The following ORC3 variants were observed in gnomAD, a reference collection of about 807,000 sequenced individuals.
ORC3 encodes homolog of latheo, Drosophila.
ORC3 carries 78 observed loss-of-function variants against 100.7 expected under a neutral mutation model. The observed-to-expected ratio is 0.77, with a 90% confidence interval of 0.65 to 0.94. The LOEUF (loss-of-function observed/expected upper bound fraction) is 0.94, where lower values mean the gene tolerates loss of function less well. Among genes scored for constraint, ORC3 ranks in the 40% least tolerant of loss-of-function variants. The pLI, the probability that ORC3 is intolerant of heterozygous loss-of-function variation, is 0.00. For synonymous variants in ORC3, 295 were observed against 289.3 expected (o/e 1.02, Z -0.20); for missense variants, 789 against 823.9 (o/e 0.96, Z 0.52).
intron 1 of ORC3, among the ~76,000 whole-genome samples, chr6:87,594,049 G>A (rs1385683241): frequency 6.6e-6 from 1 of 152,130 alleles, no homozygotes; most frequent in Non-Finnish European, 1.5e-5. Flanking sequence ...AACCTTTCTG[G>A]GCTTAAATTT....
At chr6:87,663,668 A>G (rs1770379185) in intron 17 of ORC3, among the ~76,000 whole-genome samples, 2 of 152,254 alleles carry the variant, frequency 1.3e-5, no homozygotes, top group African/African-American at 4.8e-5. Context: ...CTGGGGCAGC[A>G]CACTTCAGCT....
chr6:87,644,375 G>C (rs957534828), intron 13 of ORC3, among the ~76,000 whole-genome samples: 22 of 132 alleles, frequency 0.17, no homozygotes, highest in East Asian at 0.5. Context: ...TACAGGCGTA[G>C]AGCCACCGCG....
rs1270525634 is a variant in ORC3, at chr6:87,644,076, GTCCTTTTT to G, written c.1382+7592_1382+7599del. 2.8e-3 allele frequency among the ~76,000 whole-genome samples: 276 copies of G among 99,670 alleles called. 7 individuals are homozygous for G. The highest frequency in any genetic ancestry group is 0.011 in the African/African-American group (261 of 22,926). The allele number at this position is 99,670 out of a possible 152,430, so 65.4% of individuals were successfully genotyped here. Reference sequence around the variant, plus strand: ...GACCCACAGATACAGATGGCTGACTGTCCTTTTTTTTTTTTTTTTTTTTTTTTTTTTTT... The same window carrying G: ...GACCCACAGATACAGATGGCTGACTGTTTTTTTTTTTTTTTTTTTTTTTTT... On this transcript the variant is annotated intron_variant, in intron 13 of 19. Coordinates refer to ENST00000392844, the MANE Select transcript of ORC3 (RefSeq NM_012381.4).
intron 13 of ORC3, among the ~76,000 whole-genome samples, chr6:87,644,373 TA>T (rs111739369): frequency 1 from 151,200 of 151,200 alleles, 75,600 homozygotes; most frequent in Non-Finnish European, 1. Flanking sequence ...ATTACAGGCG[TA>T]GAGCCACCGC....
intron 11 of ORC3, among the ~76,000 whole-genome samples, chr6:87,627,615 G>T (rs1780019383): frequency 6.6e-6 from 1 of 151,826 alleles, no homozygotes; most frequent in South Asian, 2.1e-4. Context: ...ACATTTCAAT[G>T]TATATAAAGA....
chr6:87,661,568 G>A (rs908975585), intron 16 of ORC3, among the ~76,000 whole-genome samples: 1 of 152,156 alleles, frequency 6.6e-6, no homozygotes, highest in African/African-American at 2.4e-5. Context: ...CAAAGCAAGT[G>A]TAGGGGATTT....
chr6:87,614,905 T>C (rs903673481), intron 8 of ORC3, among the ~76,000 whole-genome samples: 1 of 152,194 alleles, frequency 6.6e-6, no homozygotes, highest in Non-Finnish European at 1.5e-5. Context: ...CTCCAAACTG[T>C]TCCAACCTCT....
intron 2 of ORC3, among the ~76,000 whole-genome samples, chr6:87,597,676 TATATACACACACACACAC>T (rs1562316502): frequency 7.7e-6 from 1 of 130,170 alleles, no homozygotes; most frequent in African/African-American, 3.8e-5. Flanking sequence ...ATGATATATA[TATATACACACACACACAC>T]ACACACACAC....
chr6:87,647,790 C>G (rs1245191406), intron 13 of ORC3, among the ~76,000 whole-genome samples: 1 of 152,192 alleles, frequency 6.6e-6, no homozygotes, highest in Non-Finnish European at 1.5e-5. Flanking sequence ...TGTCTGATAG[C>G]TAGACTCAAT....
At chr6:87,603,900 C>T (rs970021013) in intron 4 of ORC3, among the ~76,000 whole-genome samples, 1 of 152,044 alleles carries the variant, frequency 6.6e-6, no homozygotes. Context: ...TTTTTTTAGT[C>T]GTATCTTCAA....
intron 1 of ORC3, 127 bp downstream of exon 1, chr6:87,590,319 G>A: frequency 2.0e-6 from 2 of 1,019,190 alleles, no homozygotes; most frequent in Non-Finnish European, 3.1e-6. Flanking sequence ...GGCGTACTGA[G>A]CTGAGGCGTC....
chr6:87,621,043 G>A (rs1779496894), intron 9 of ORC3, among the ~76,000 whole-genome samples: 1 of 152,098 alleles, frequency 6.6e-6, no homozygotes, highest in East Asian at 1.9e-4. Context: ...CCTCAGTTTG[G>A]TCCACACCAC....
chr6:87,617,211 G>A (rs1026380707), intron 9 of ORC3, among the ~76,000 whole-genome samples: 2 of 152,090 alleles, frequency 1.3e-5, no homozygotes, highest in African/African-American at 4.8e-5. Flanking sequence ...CCATGCATGT[G>A]TGTGTGTGTG....
In ORC3 at chr6:87,666,435, CT is replaced by C. The variant is rs398002192; in HGVS notation, c.2031-563del. ...GTGAGCCACCTCACCCGGCCTAATT[CT>C]TTTTTTTTTTTTTTTTTTTGAGACA... On this transcript the variant is annotated intron_variant, in intron 19 of 19. Transcript: ENST00000392844. Among the ~76,000 whole-genome samples, 807 of 97,642 alleles carry C rather than the reference CT, an allele frequency of 8.3e-3. 4 individuals carry two copies. The highest frequency in any genetic ancestry group is 0.022 in the South Asian group (63 of 2,916). 64.1% of individuals were successfully genotyped at this position (97,642 alleles called of 152,430 possible). A position where few individuals can be genotyped will look rare whatever the true frequency, so the allele number is the denominator to read the frequency against.
Position 87,603,376 on chromosome 6 carries a change from CT to C in ORC3, c.178-5del. 2 of 1,421,104 alleles carry C rather than the reference CT, an allele frequency of 1.4e-6. No homozygotes were observed. The highest frequency in any genetic ancestry group is 4.7e-5 in the East Asian group (2 of 42,908). 88.0% of individuals were successfully genotyped at this position (1,421,104 alleles called of 1,614,324 possible). ...TAATAATAATAAGTTTTTGTGTGTT[CT>C]TTGTAGCGACTACAAGAGGAATTAA... On this transcript the variant is annotated splice_region_variant and splice_polypyrimidine_tract_variant and intron_variant, in intron 3 of 19. Coordinates refer to ENST00000392844, the MANE Select transcript of ORC3 (RefSeq NM_012381.4).
intron 9 of ORC3, among the ~76,000 whole-genome samples, chr6:87,618,260 A>G (rs1779297946): frequency 6.6e-6 from 1 of 152,136 alleles, no homozygotes; most frequent in African/African-American, 2.4e-5. Flanking sequence ...AATACAAAAA[A>G]TTAGCCAGGC....
intron 13 of ORC3, among the ~76,000 whole-genome samples, chr6:87,651,741 A>G (rs1769286933): frequency 6.6e-6 from 1 of 152,118 alleles, no homozygotes; most frequent in African/African-American, 2.4e-5. Context: ...ATTTCTCAGT[A>G]ATCATAGTCT....
chr6:87,673,513 G>A, the ORC3 span, among the ~76,000 whole-genome samples: 3 of 152,102 alleles, frequency 2.0e-5, no homozygotes, highest in East Asian at 3.8e-4. Flanking sequence ...TGCCAGTAGT[G>A]CTGAAGTTGA....
intron 13 of ORC3, among the ~76,000 whole-genome samples, chr6:87,639,825 C>CAAAAAAAAAAAAAAAAA (rs548788316): frequency 1.7e-5 from 1 of 58,766 alleles, no homozygotes; most frequent in African/African-American, 6.7e-5. Context: ...GCCAAAAATA[C>CAAAAAAAAAAAAAAAAA]AAAAAAAAAA....
Sources: gnomAD v4.1 joint callset for allele counts (sites outside exome capture counted in the v4.1 genomes callset) on GRCh38, gnomAD v4.1.1 for gene constraint, MANE v1.5 for transcripts, NCBI Gene and HGNC (gene_info 2026-07-23, HGNC 2026-07-21) for gene names.